GABRB3: variants seen among roughly 807,000 people sequenced by gnomAD.
GABRB3 encodes the protein gamma-aminobutyric acid type A receptor subunit beta3, also known as gamma-aminobutyric acid receptor subunit beta-3.
In GABRB3, 14 loss-of-function variants were observed where a neutral mutation model predicts 52.1. The observed-to-expected ratio is 0.27, with a 90% confidence interval of 0.18 to 0.42. GABRB3 has a LOEUF of 0.42. GABRB3 is among the 10% of genes least tolerant of loss of function. The pLI is 1.00. For synonymous variants in GABRB3, 260 were observed against 232.3 expected (o/e 1.12, Z -1.08); for missense variants, 307 against 609.1 (o/e 0.50, Z 5.22).
At chr15:26,593,377 C>A (rs1165339297) in intron 4 of GABRB3, among the ~76,000 whole-genome samples, 1 of 152,178 alleles carries the variant, frequency 6.6e-6, no homozygotes, top group Non-Finnish European at 1.5e-5. Flanking sequence ...TCAGTGCATT[C>A]ACATTGGTGT....
At chr15:26,661,909 G>A (rs552999186) in intron 3 of GABRB3, among the ~76,000 whole-genome samples, 4 of 152,036 alleles carry the variant, frequency 2.6e-5, no homozygotes, top group African/African-American at 7.3e-5. Flanking sequence ...TATGTCTGAC[G>A]TGTAGCTCTG....
intron 6 of GABRB3, among the ~76,000 whole-genome samples, chr15:26,571,703 C>T (rs921843161): frequency 8.5e-5 from 13 of 152,116 alleles, no homozygotes; most frequent in African/African-American, 2.7e-4. Flanking sequence ...TCTGGAAATT[C>T]GCCAAGATAC....
intron 3 of GABRB3, among the ~76,000 whole-genome samples, chr15:26,633,143 A>G (rs1892954453): frequency 6.6e-6 from 1 of 152,256 alleles, no homozygotes; most frequent in Non-Finnish European, 1.5e-5. Flanking sequence ...CCCAAGTTTC[A>G]TCGTCTACTC....
chr15:26,684,295 C>T (rs1313426901), intron 3 of GABRB3, among the ~76,000 whole-genome samples: 1 of 152,114 alleles, frequency 6.6e-6, no homozygotes, highest in African/African-American at 2.4e-5. Context: ...GCCACCTATT[C>T]CTGGACGCAG....
At chr15:26,693,402 C>CA (rs1888643582) in intron 3 of GABRB3, among the ~76,000 whole-genome samples, 1 of 152,126 alleles carries the variant, frequency 6.6e-6, no homozygotes, top group Non-Finnish European at 1.5e-5. Flanking sequence ...GGAATTTCCC[C>CA]TGCGAGATCA....
chr15:26,659,339 G>A (rs1453503479), intron 3 of GABRB3, among the ~76,000 whole-genome samples: 4 of 152,106 alleles, frequency 2.6e-5, no homozygotes, highest in Non-Finnish European at 5.9e-5. Context: ...CCTTGCCAAG[G>A]TGGTGAAACT....
intron 3 of GABRB3, among the ~76,000 whole-genome samples, chr15:26,683,161 G>T (rs565377050): frequency 6.6e-6 from 1 of 152,086 alleles, no homozygotes; most frequent in South Asian, 2.1e-4. Context: ...GGTGTGATGC[G>T]GATTGTAAAC....
chr15:26,626,165 A>G (rs1892684233), intron 3 of GABRB3, among the ~76,000 whole-genome samples: 1 of 152,186 alleles, frequency 6.6e-6, no homozygotes, highest in Admixed American at 6.5e-5. Context: ...ATAATCAGTG[A>G]TATTTGATAT....
chr15:26,624,202 C>A, intron 3 of GABRB3: 9 of 985,546 alleles, frequency 9.1e-6, no homozygotes, highest in Non-Finnish European at 1.1e-5. Flanking sequence ...CCTTCATCAC[C>A]ATTACCTTTC....
At chr15:26,597,411 G>A (rs904339421) in intron 4 of GABRB3, among the ~76,000 whole-genome samples, 1 of 152,182 alleles carries the variant, frequency 6.6e-6, no homozygotes, top group Admixed American at 6.5e-5. Flanking sequence ...CATACAAGGA[G>A]TAATGGTGCC....
chr15:26,555,684 A>G (rs920764839), intron 8 of GABRB3, among the ~76,000 whole-genome samples: 14 of 152,250 alleles, frequency 9.2e-5, no homozygotes, highest in African/African-American at 3.1e-4. Context: ...TCAAGAACCA[A>G]TACAATTTTA....
intron 3 of GABRB3, among the ~76,000 whole-genome samples, chr15:26,634,395 C>A (rs1204913154): frequency 6.6e-6 from 1 of 152,162 alleles, no homozygotes; most frequent in Non-Finnish European, 1.5e-5. Context: ...TTCATTCTCA[C>A]CCTAACCTCC....
At chr15:26,758,612 C>G (rs12440464) in intron 3 of GABRB3, among the ~76,000 whole-genome samples, 73,810 of 151,836 alleles carry the variant, frequency 0.49, 19,026 homozygotes, top group South Asian at 0.62. Flanking sequence ...TCTTCTTAAT[C>G]TCAACAAACC....
intron 3 of GABRB3, among the ~76,000 whole-genome samples, chr15:26,669,008 C>T (rs1887803595): frequency 6.6e-6 from 1 of 152,112 alleles, no homozygotes; most frequent in Non-Finnish European, 1.5e-5. Context: ...TTGTACCTGC[C>T]CCTCCGTGAT....
intron 4 of GABRB3, among the ~76,000 whole-genome samples, chr15:26,609,099 C>T (rs890724708): frequency 5.8e-5 from 4 of 69,290 alleles, no homozygotes; most frequent in Non-Finnish European, 1.4e-4. Flanking sequence ...CACACACACA[C>T]ACATACACAC....
chr15:26,632,802 A>C (rs911311879), intron 3 of GABRB3, among the ~76,000 whole-genome samples: 5 of 152,222 alleles, frequency 3.3e-5, no homozygotes, highest in African/African-American at 1.2e-4. Context: ...AATGAAACTA[A>C]AAATGCTCCT....
At position 26,547,717 on chromosome 15, in the gene GABRB3, G is replaced by C. The variant is rs565275585; in HGVS notation, c.*76C>G. On this transcript the variant is annotated 3_prime_UTR_variant, in exon 9 of 9. Coordinates refer to ENST00000311550, the MANE Select transcript of GABRB3 (RefSeq NM_000814.6). ...CTGCTTGTGTGTCTGTGTGTGTACA[G>C]GTATAAAAACTTGACAGGCAGAGTA... 1 of 1,120,542 alleles carries C rather than the reference G, an allele frequency of 8.9e-7. No individual in the cohort carries two copies. The highest frequency in any genetic ancestry group is 2.4e-5 in the East Asian group (1 of 41,852). 69.4% of individuals were successfully genotyped at this position (1,120,542 alleles called of 1,614,324 possible).
At chr15:26,765,584 T>A (rs569271832) in intron 3 of GABRB3, among the ~76,000 whole-genome samples, 177 of 152,350 alleles carry the variant, frequency 1.2e-3, no homozygotes, top group African/African-American at 3.6e-3. Context: ...TTCATTTGTT[T>A]ATTCTTCATT....
Position 26,554,189 on chromosome 15 carries a change from T to TATATATATATATATATAC in GABRB3, c.1081-6056_1081-6055insGTATATATATATATATAT, listed in dbSNP as rs1346521870. Reference sequence around the variant, plus strand: ...TATATATATAAAGTATATATATATATACTATATATATATATATATAGTAGA... The same window carrying TATATATATATATATATAC: ...TATATATATAAAGTATATATATATATATATATATATATATATACACTATATATATATATATATAGTAGA... On this transcript the variant is annotated intron_variant, in intron 8 of 8. Coordinates refer to ENST00000311550, the MANE Select transcript of GABRB3 (RefSeq NM_000814.6). 6.2e-4 allele frequency among the ~76,000 whole-genome samples: 17 copies of TATATATATATATATATAC among 27,360 alleles called. 4 individuals are homozygous for TATATATATATATATATAC. The highest frequency in any genetic ancestry group is 9.6e-4 in the Non-Finnish European group (14 of 14,512). The allele number at this position is 27,360 out of a possible 152,430, so 17.9% of individuals were successfully genotyped here.
Sources: allele counts gnomAD v4.1 joint callset (sites outside exome capture counted in the v4.1 genomes callset), GRCh38; gene constraint gnomAD v4.1.1; transcripts MANE v1.5; gene names NCBI Gene and HGNC (gene_info 2026-07-23, HGNC 2026-07-21).